MAP2: variants seen among roughly 807,000 people sequenced by gnomAD.
MAP2 encodes microtubule associated protein 2.
MAP2 carries 14 observed loss-of-function variants against 137.6 expected under a neutral mutation model. That is an observed-to-expected ratio of 0.10 (90% CI 0.07 to 0.16). MAP2 has a LOEUF of 0.16. MAP2 is among the 10% of genes least tolerant of loss of function. The probability of loss-of-function intolerance (pLI) is 1.00; values close to 1 mark genes in which losing one functional copy is unlikely to be tolerated. For missense variants in MAP2, 2,088 were observed against 2,191.5 expected (o/e 0.95, Z 0.94); for synonymous variants, 786 against 782.3 (o/e 1.00, Z -0.08).
intron 1 of MAP2, among the ~76,000 whole-genome samples, chr2:209,425,740 GTTCT>G (rs1193825894): frequency 6.6e-6 from 1 of 152,202 alleles, no homozygotes; most frequent in Non-Finnish European, 1.5e-5. Context: ...CAAAAGCATA[GTTCT>G]TTCACTATGT....
At chr2:209,691,148 CT>C (rs1454436805) in intron 7 of MAP2, among the ~76,000 whole-genome samples, 5 of 151,866 alleles carry the variant, frequency 3.3e-5, no homozygotes, top group African/African-American at 7.3e-5. Context: ...CCCGCCCCCC[CT>C]CATCTCAAAT....
chr2:209,454,443 TCCC>T (rs1701059787), intron 1 of MAP2, among the ~76,000 whole-genome samples: 1 of 151,852 alleles, frequency 6.6e-6, no homozygotes, highest in South Asian at 2.1e-4. Flanking sequence ...CAAGCAATTC[TCCC>T]TCCCTCAGCC....
At position 209,693,930 on chromosome 2, in the gene MAP2, A is replaced by T; in HGVS notation, c.1760A>T (p.Glu587Val). ...ALKEEATKSI[E>V]PGSDYYELSD... is the part of the protein sequence containing the mutation. The stretch of plus-strand genomic sequence containing the variant: ...AAAGAAGAAGCAACAAAAAGCATTG[A>T]GCCAGGCAGTGATTACTATGAACTG... Residue 587 changes from glutamate (E) to valine (V), a missense_variant, in exon 8 of 16, where the codon GAG becomes GTG. Physicochemically the swap from Glu to Val is moderately radical, Grantham distance 121. Around this residue, in one of 6 missense-constraint regions of MAP2, gnomAD observed 859 missense variants for 794.5 expected, o/e 1.08. Coordinates refer to ENST00000682079, the MANE Select transcript of MAP2 (RefSeq NM_001375505.1). 6.2e-7 allele frequency: 1 copy of T among 1,612,600 alleles called. No homozygotes were observed. Among genetic ancestry groups the T allele is most frequent in the Non-Finnish European group, 8.5e-7 (1 of 1,179,502 alleles).
At chr2:209,463,440 T>G (rs573960865) in intron 1 of MAP2, among the ~76,000 whole-genome samples, 1 of 152,320 alleles carries the variant, frequency 6.6e-6, no homozygotes, top group East Asian at 1.9e-4. Context: ...ACTAGAGGCC[T>G]GAGAATGTTT....
intron 13 of MAP2, among the ~76,000 whole-genome samples, chr2:209,723,145 G>A (rs945862201): frequency 1.3e-5 from 2 of 152,174 alleles, no homozygotes; most frequent in African/African-American, 4.8e-5. Flanking sequence ...TCAAGTGTAC[G>A]AGGTGATTAA....
intron 1 of MAP2, among the ~76,000 whole-genome samples, chr2:209,478,695 TC>T (rs1707991757): frequency 6.6e-6 from 1 of 152,354 alleles, no homozygotes. Flanking sequence ...AATACCAACT[TC>T]TAGTGACTGC....
chr2:209,726,040 T>C (rs1170767393), intron 14 of MAP2, among the ~76,000 whole-genome samples: 1 of 152,218 alleles, frequency 6.6e-6, no homozygotes, highest in African/African-American at 2.4e-5. Flanking sequence ...CATTTATCTT[T>C]ATGTACTCAA....
chr2:209,569,554 G>A (rs948250555), intron 2 of MAP2, among the ~76,000 whole-genome samples: 1 of 151,818 alleles, frequency 6.6e-6, no homozygotes, highest in Admixed American at 6.6e-5. Context: ...GGGATTGGGA[G>A]TAGGAATTAC....
intron 2 of MAP2, among the ~76,000 whole-genome samples, chr2:209,510,522 A>G (rs80307982): frequency 0.038 from 5,805 of 152,170 alleles, 229 homozygotes; most frequent in East Asian, 0.2. Context: ...TAACGTGTAC[A>G]TTATGTTCCC....
chr2:209,648,949 A>C (rs1376605590), intron 4 of MAP2, among the ~76,000 whole-genome samples: 1 of 152,144 alleles, frequency 6.6e-6, no homozygotes, highest in African/African-American at 2.4e-5. Context: ...GTACAGTAGG[A>C]ATGGAATGTT....
chr2:209,471,603 A>G (rs1281265534), intron 1 of MAP2, among the ~76,000 whole-genome samples: 1 of 152,124 alleles, frequency 6.6e-6, no homozygotes, highest in African/African-American at 2.4e-5. Context: ...GAACTTTTTA[A>G]CCTAGTACTT....
intron 2 of MAP2, among the ~76,000 whole-genome samples, chr2:209,556,308 T>G (rs960933060): frequency 1.3e-5 from 2 of 152,170 alleles, no homozygotes; most frequent in African/African-American, 4.8e-5. Flanking sequence ...CCTCCCAAAG[T>G]GCAGGGATTG....
intron 2 of MAP2, among the ~76,000 whole-genome samples, chr2:209,538,923 C>T (rs2066435455): frequency 6.6e-6 from 1 of 151,948 alleles, no homozygotes; most frequent in Non-Finnish European, 1.5e-5. Flanking sequence ...CAGTGGTTTC[C>T]ATCTTGTCTT....
At chr2:209,687,505 C>CT in intron 7 of MAP2, among the ~76,000 whole-genome samples, 1 of 152,202 alleles carries the variant, frequency 6.6e-6, no homozygotes, top group East Asian at 1.9e-4. Context: ...GGCAAACTTG[C>CT]TTAAGGGATA....
chr2:209,689,969 T>C (rs1178248290), intron 7 of MAP2, among the ~76,000 whole-genome samples: 1 of 152,226 alleles, frequency 6.6e-6, no homozygotes, highest in Non-Finnish European at 1.5e-5. Flanking sequence ...AGGTAGTCCC[T>C]TACCTTGGAA....
chr2:209,709,323 A>G (rs1049874024), intron 12 of MAP2, among the ~76,000 whole-genome samples: 1 of 152,158 alleles, frequency 6.6e-6, no homozygotes, highest in Non-Finnish European at 1.5e-5. Context: ...AGAATACATG[A>G]TATAGTATAG....
intron 10 of MAP2, among the ~76,000 whole-genome samples, chr2:209,699,624 T>C (rs1034329134): frequency 1.3e-5 from 2 of 152,170 alleles, no homozygotes; most frequent in East Asian, 3.9e-4. Flanking sequence ...GAAGTGCATG[T>C]GTAGAACATG....
At chr2:209,608,462 T>A (rs927130685) in intron 3 of MAP2, among the ~76,000 whole-genome samples, 1 of 152,048 alleles carries the variant, frequency 6.6e-6, no homozygotes, top group African/African-American at 2.4e-5. Context: ...AATTTCTAAT[T>A]TTTTTGTAGA....
chr2:209,676,240 G>A (rs2051366409), intron 5 of MAP2, among the ~76,000 whole-genome samples: 1 of 151,764 alleles, frequency 6.6e-6, no homozygotes, highest in Admixed American at 6.6e-5. Flanking sequence ...ATTTTGCCAG[G>A]GCATGGATGG....
Sources: allele counts gnomAD v4.1 joint callset (sites outside exome capture counted in the v4.1 genomes callset), GRCh38; gene constraint gnomAD v4.1.1; regional missense constraint gnomAD v4.1.1; transcripts MANE v1.5; gene names NCBI Gene and HGNC (gene_info 2026-07-23, HGNC 2026-07-21).